The following GTF2E1 variants were observed in gnomAD, a reference collection of about 807,000 sequenced individuals.
GTF2E1 encodes the protein general transcription factor IIE subunit 1, also known as TFIIE alpha subunit.
GTF2E1 carries 14 observed loss-of-function variants against 34.9 expected under a neutral mutation model. That is an observed-to-expected ratio of 0.40 (90% CI 0.27 to 0.63). GTF2E1 has a LOEUF of 0.63. Among genes scored for constraint, GTF2E1 ranks in the 20% least tolerant of loss-of-function variants. GTF2E1 has a pLI of 0.39. For synonymous variants in GTF2E1, 188 were observed against 192.9 expected (o/e 0.97, Z 0.21); for missense variants, 469 against 557.7 (o/e 0.84, Z 1.60).
intron 4 of GTF2E1, among the ~76,000 whole-genome samples, chr3:120,779,219 A>G (rs1318437755): frequency 1.3e-5 from 2 of 152,230 alleles, no homozygotes; most frequent in African/African-American, 4.8e-5. Context: ...TTAGTTTACA[A>G]AACTAATTTT....
At chr3:120,778,988 G>A (rs2292719) in intron 4 of GTF2E1, among the ~76,000 whole-genome samples, 31,028 of 152,006 alleles carry the variant, frequency 0.2, 3,615 homozygotes, top group East Asian at 0.36. Flanking sequence ...CAATTGCTTA[G>A]CATCAATTCC....
At chr3:120,758,593 C>G (rs926555212) in intron 2 of GTF2E1, among the ~76,000 whole-genome samples, 5 of 151,890 alleles carry the variant, frequency 3.3e-5, no homozygotes, top group Non-Finnish European at 5.9e-5. Flanking sequence ...CCCGACAGGC[C>G]CTGGTGTGTG....
chr3:120,777,880 T>C (rs1174570300), intron 4 of GTF2E1, among the ~76,000 whole-genome samples: 1 of 152,152 alleles, frequency 6.6e-6, no homozygotes, highest in East Asian at 1.9e-4. Context: ...CAAGCCACCA[T>C]GGCCAGCTAA....
chr3:120,770,867 T>C lies in GTF2E1; in HGVS notation c.588T>C (p.Asp196=), dbSNP rs578208726. The C allele has an allele frequency of 1.9e-6, 3 of 1,613,676 alleles. No individual in the cohort carries two copies. Among genetic ancestry groups the C allele is most frequent in the East Asian group, 4.5e-5 (2 of 44,876 alleles). ...ATGCATTGCTTCGGGAGACAGAGGA[T>C]GTGAACTTGGCCTATGAAATACTTG... ...PIYALLRETE[D]VNLAYEILEP... Residue 196 remains aspartate (D), a synonymous_variant, in exon 3 of 5, where the codon GAT becomes GAC. Transcript: ENST00000283875.
chr3:120,755,628 A>G (rs1709201627), intron 2 of GTF2E1, among the ~76,000 whole-genome samples: 1 of 152,206 alleles, frequency 6.6e-6, no homozygotes, highest in Non-Finnish European at 1.5e-5. Context: ...TGTGTTACAA[A>G]CAATCCAATT....
At chr3:120,762,026 G>A (rs1211684064) in intron 2 of GTF2E1, among the ~76,000 whole-genome samples, 2 of 152,032 alleles carry the variant, frequency 1.3e-5, no homozygotes, top group South Asian at 2.1e-4. Flanking sequence ...TCCTGACCTC[G>A]TGATCCACCT....
At position 120,782,928 on chromosome 3, in the gene GTF2E1, T is replaced by G. The variant is rs1178932221; in HGVS notation, c.*1458T>G. The G allele has an allele frequency of 6.6e-6, 1 of 152,228 alleles. No individual in the cohort carries two copies. The highest frequency in any genetic ancestry group is 1.5e-5 in the Non-Finnish European group (1 of 68,026). The allele number at this position is 152,228 out of a possible 1,614,324, so 9.4% of individuals were successfully genotyped here. ...GTAACAATTGTATATCTTACAATATTTTTCCTTGCATTGTAATTTTTAAGT... is the reference window on the plus strand; with the variant it reads ...GTAACAATTGTATATCTTACAATATGTTTCCTTGCATTGTAATTTTTAAGT... On this transcript the variant is annotated 3_prime_UTR_variant, in exon 5 of 5. Coordinates refer to ENST00000283875, the MANE Select transcript of GTF2E1 (RefSeq NM_005513.3).
intron 2 of GTF2E1, 45 bp from the exon 3 acceptor site, chr3:120,770,683 T>C: frequency 2.2e-6 from 3 of 1,384,684 alleles, no homozygotes; most frequent in Non-Finnish European, 3.1e-6. Flanking sequence ...ATAAACTATC[T>C]GCTAAAGTCT....
chr3:120,751,922 C>T (rs1020296944), intron 2 of GTF2E1, among the ~76,000 whole-genome samples: 1 of 151,884 alleles, frequency 6.6e-6, no homozygotes, highest in Non-Finnish European at 1.5e-5. Flanking sequence ...TAAACTTTGA[C>T]CCATGAAATA....
chr3:120,742,806 T>TC lies in GTF2E1; in HGVS notation c.-31+15dup, dbSNP rs1329699773. The TC allele has an allele frequency of 8.8e-6, 4 of 453,616 alleles. No homozygotes were observed. Among genetic ancestry groups the TC allele is most frequent in the Non-Finnish European group, 8.1e-6 (2 of 248,020 alleles). The allele number at this position is 453,616 out of a possible 1,614,324, so 28.1% of individuals were successfully genotyped here. On this transcript the variant is annotated intron_variant, in intron 1 of 4. Coordinates refer to ENST00000283875, the MANE Select transcript of GTF2E1 (RefSeq NM_005513.3). ...CAGGATTCGCCTTGGTAAACCTTGT[T>TC]CCCTGTTCCTTGTTCGGAGTTCCCT...
chr3:120,760,336 G>T (rs984944452), intron 2 of GTF2E1, among the ~76,000 whole-genome samples: 2 of 152,194 alleles, frequency 1.3e-5, no homozygotes, highest in African/African-American at 2.4e-5. Context: ...GGGCTGAAAC[G>T]ATGGAGTTTT....
At chr3:120,758,219 T>C (rs1384137162) in intron 2 of GTF2E1, among the ~76,000 whole-genome samples, 1 of 152,082 alleles carries the variant, frequency 6.6e-6, no homozygotes, top group Non-Finnish European at 1.5e-5. Flanking sequence ...TAGAGAGGTA[T>C]GTAAACTAAA....
chr3:120,759,213 A>G (rs1382444719), intron 2 of GTF2E1, among the ~76,000 whole-genome samples: 3 of 152,066 alleles, frequency 2.0e-5, no homozygotes, highest in Non-Finnish European at 4.4e-5. Flanking sequence ...CTGCATATGC[A>G]TATGTTGGCT....
Position 120,782,917 on chromosome 3 carries a change from TCTTAC to T in GTF2E1, c.*1448_*1452del, listed in dbSNP as rs1239001666. ...CACAAGGGTCTGTAACAATTGTATA[TCTTAC>T]AATATTTTTCCTTGCATTGTAATTT... On this transcript the variant is annotated 3_prime_UTR_variant, in exon 5 of 5. Transcript: ENST00000283875. 6.6e-6 allele frequency: 1 copy of T among 152,232 alleles called. No homozygotes were observed. The allele number at this position is 152,232 out of a possible 1,614,324, so 9.4% of individuals were successfully genotyped here.
At position 120,782,506 on chromosome 3, in the gene GTF2E1, G is replaced by T. The variant is rs1342116505; in HGVS notation, c.*1036G>T. ...ACGTAAGACAAGAAGTCTCTGTGAA[G>T]GGTTGAAGAGTGACAAGCATTGGTA... On this transcript the variant is annotated 3_prime_UTR_variant, in exon 5 of 5. Transcript: ENST00000283875. 1.3e-5 allele frequency: 2 copies of T among 152,224 alleles called. No homozygotes were observed. Among genetic ancestry groups the T allele is most frequent in the African/African-American group, 4.8e-5 (2 of 41,464 alleles). The allele number at this position is 152,224 out of a possible 1,614,324, so 9.4% of individuals were successfully genotyped here.
At position 120,776,634 on chromosome 3, in the gene GTF2E1, G is replaced by C. The variant is rs762843047; in HGVS notation, c.862G>C (p.Gly288Arg). 8 of 1,613,522 alleles carry C rather than the reference G, an allele frequency of 5.0e-6. No individual in the cohort carries two copies. The East Asian group carries it at 1.8e-4, about 36-fold the overall frequency. Reference protein sequence around the residue: ...PIWLRESTVQGAYGSEDMKEG... With the variant: ...PIWLRESTVQRAYGSEDMKEG... ...TTGGTTGAGAGAAAGCACTGTCCAA[G>C]GGGCATATGGTTCTGAAGATATGAA... Residue 288 changes from glycine to arginine, a missense_variant, in exon 4 of 5, where the codon GGG (glycine) becomes CGG (arginine). Transcript: ENST00000283875.
intron 2 of GTF2E1, 145 bp from the exon 3 acceptor site, chr3:120,770,580 ATGG>A (rs1709343115): frequency 1.6e-6 from 1 of 630,624 alleles, no homozygotes; most frequent in Non-Finnish European, 2.9e-6. Context: ...TAGAATCTAA[ATGG>A]TGGTCACATG....
chr3:120,746,356 G>A (rs564741861), intron 1 of GTF2E1, among the ~76,000 whole-genome samples: 18 of 152,188 alleles, frequency 1.2e-4, no homozygotes, highest in South Asian at 2.1e-4. Context: ...AGGCGTGGTG[G>A]TGCATGCCTA....
intron 1 of GTF2E1, among the ~76,000 whole-genome samples, chr3:120,744,118 T>C (rs912069272): frequency 2.0e-5 from 3 of 152,228 alleles, no homozygotes; most frequent in South Asian, 2.1e-4. Flanking sequence ...GGGCTCACTT[T>C]TTCCTCAGAT....
Sources: allele counts gnomAD v4.1 joint callset (sites outside exome capture counted in the v4.1 genomes callset), GRCh38; gene constraint gnomAD v4.1.1; transcripts MANE v1.5; gene names NCBI Gene and HGNC (gene_info 2026-07-23, HGNC 2026-07-21).